The following TACR3 variants were observed in gnomAD, a reference collection of about 807,000 sequenced individuals.
TACR3 encodes the protein neuromedin-K receptor.
Under a neutral mutation model 35.0 loss-of-function variants are expected in TACR3, and 34 were observed. That is an observed-to-expected ratio of 0.97 (90% confidence interval 0.74 to 1.30). The LOEUF (loss-of-function observed/expected upper bound fraction) is 1.30. TACR3 is among the 50% of genes most tolerant of loss of function. TACR3 has a pLI of 0.00. For synonymous variants in TACR3, 233 were observed against 221.1 expected (o/e 1.05, Z -0.48); for missense variants, 558 against 591.7 (o/e 0.94, Z 0.59).
In TACR3 at chr4:103,605,349, G is replaced by C. The variant is rs1231601628; in HGVS notation, c.889-13666C>G. Among the ~76,000 whole-genome samples, 15 of 98,614 alleles carry C rather than the reference G, an allele frequency of 1.5e-4. 1 individual carries two copies. The highest frequency in any genetic ancestry group is 2.9e-4 in the Non-Finnish European group (13 of 44,264). 64.7% of individuals were successfully genotyped at this position (98,614 alleles called of 152,430 possible). A position where few individuals can be genotyped will look rare whatever the true frequency, so the allele number is the denominator to read the frequency against. On this transcript the variant is annotated intron_variant, in intron 3 of 4. Transcript: ENST00000304883. ...GTCCTTTGGGTATATACCCAGTAATGGGATGGCTGGGTCAAATGGTATTTC... is the reference window on the plus strand; with the variant it reads ...GTCCTTTGGGTATATACCCAGTAATCGGATGGCTGGGTCAAATGGTATTTC...
intron 1 of TACR3, among the ~76,000 whole-genome samples, chr4:103,685,691 G>A (rs1722212116): frequency 6.6e-6 from 1 of 151,962 alleles, no homozygotes; most frequent in African/African-American, 2.4e-5. Flanking sequence ...ATGGTGTGAG[G>A]AACTCCAAAT....
chr4:103,590,078 G>T, intron 4 of TACR3, 84 bp from the exon 5 acceptor site: 2 of 1,521,558 alleles, frequency 1.3e-6, no homozygotes, highest in South Asian at 1.2e-5. Context: ...TTCTACCTAA[G>T]GCAGTTATAA....
At chr4:103,638,287 A>C (rs200778590) in intron 3 of TACR3, among the ~76,000 whole-genome samples, 105,171 of 148,080 alleles carry the variant, frequency 0.71, 38,220 homozygotes, top group African/African-American at 0.89. Context: ...ATAATGCCAC[A>C]TATCTACAAC....
chr4:103,702,913 AG>A (rs1306324062), intron 1 of TACR3, among the ~76,000 whole-genome samples: 2 of 80,612 alleles, frequency 2.5e-5, no homozygotes, highest in Non-Finnish European at 4.5e-5. Flanking sequence ...GGGTGGGGGG[AG>A]GGGGGAGGGA....
At chr4:103,697,687 G>A (rs1339024707) in intron 1 of TACR3, among the ~76,000 whole-genome samples, 1 of 152,088 alleles carries the variant, frequency 6.6e-6, no homozygotes. Context: ...GCCTCCCAAA[G>A]TGCTGAGATT....
intron 1 of TACR3, among the ~76,000 whole-genome samples, chr4:103,668,146 T>C (rs1178803039): frequency 6.6e-6 from 1 of 152,132 alleles, no homozygotes; most frequent in Non-Finnish European, 1.5e-5. Flanking sequence ...AAACAATTCC[T>C]TTACTGACAT....
At position 103,616,957 on chromosome 4, in the gene TACR3, T is replaced by C. The variant is rs191954205; in HGVS notation, c.889-25274A>G. On this transcript the variant is annotated intron_variant, in intron 3 of 4. Transcript: ENST00000304883. ...AGCAAGACCTTATTTCAAAATAATATTAAATTTAAAAGAATTAAAAAACCC... is the reference window on the plus strand; with the variant it reads ...AGCAAGACCTTATTTCAAAATAATACTAAATTTAAAAGAATTAAAAAACCC... 3.5e-4 allele frequency among the ~76,000 whole-genome samples: 53 copies of C among 152,146 alleles called. 1 individual carries two copies.
chr4:103,586,429 CCTG>C lies in TACR3; in HGVS notation c.*3250_*3252del, dbSNP rs1449743910. ...AAGTGTGAGAAATGTTTGTAAGTCT[CCTG>C]CTTTTCTATTTGATGAAATAGTTTA... On this transcript the variant is annotated 3_prime_UTR_variant, in exon 5 of 5. Transcript: ENST00000304883. 3.3e-5 allele frequency: 5 copies of C among 151,992 alleles called. No individual in the cohort carries two copies. Among genetic ancestry groups the C allele is most frequent in the African/African-American group, 1.2e-4 (5 of 41,382 alleles). 9.4% of individuals were successfully genotyped at this position (151,992 alleles called of 1,614,324 possible). A position where few individuals can be genotyped will look rare whatever the true frequency, so the allele number is the denominator to read the frequency against.
intron 1 of TACR3, among the ~76,000 whole-genome samples, chr4:103,697,971 T>G (rs1278839971): frequency 1.3e-5 from 2 of 152,212 alleles, no homozygotes; most frequent in Non-Finnish European, 2.9e-5. Flanking sequence ...GCCAGTAACT[T>G]CTTATGTAGG....
chr4:103,713,039 A>G (rs141587330), intron 1 of TACR3, among the ~76,000 whole-genome samples: 6,895 of 152,252 alleles, frequency 0.045, 513 homozygotes, highest in African/African-American at 0.16. Flanking sequence ...ACTGTAAACT[A>G]GTTCAACCAT....
chr4:103,651,343 G>A (rs1413001507), intron 3 of TACR3, among the ~76,000 whole-genome samples: 1 of 151,572 alleles, frequency 6.6e-6, no homozygotes, highest in Non-Finnish European at 1.5e-5. Flanking sequence ...CATTTCAAAG[G>A]CAGAGGACAC....
At chr4:103,629,238 G>C (rs1025842219) in intron 3 of TACR3, among the ~76,000 whole-genome samples, 1 of 152,120 alleles carries the variant, frequency 6.6e-6, no homozygotes, top group East Asian at 1.9e-4. Flanking sequence ...ACAAGACAAG[G>C]ATGCCCTCTC....
intron 3 of TACR3, among the ~76,000 whole-genome samples, chr4:103,611,663 A>T (rs993594672): frequency 1.6e-4 from 23 of 144,188 alleles, no homozygotes; most frequent in Non-Finnish European, 2.9e-4. Flanking sequence ...CCTTTTTTTT[A>T]ACACAGACAT....
chr4:103,618,564 CTTTTTTTTTTTTT>C (rs57837921), intron 3 of TACR3, among the ~76,000 whole-genome samples: 33 of 61,456 alleles, frequency 5.4e-4, no homozygotes, highest in Admixed American at 1.4e-3. Context: ...GTGACTTGGG[CTTTTTTTTTTTTT>C]TTTTTTTTTT....
chr4:103,638,465 T>A (rs1302015814), intron 3 of TACR3, among the ~76,000 whole-genome samples: 1 of 151,936 alleles, frequency 6.6e-6, no homozygotes, highest in Non-Finnish European at 1.5e-5. Flanking sequence ...ACTTACATGT[T>A]CGACCTAAAA....
intron 3 of TACR3, among the ~76,000 whole-genome samples, chr4:103,623,906 A>G (rs1165522543): frequency 6.6e-6 from 1 of 152,182 alleles, no homozygotes; most frequent in Non-Finnish European, 1.5e-5. Flanking sequence ...AATGTAAATA[A>G]AACAGTGACT....
intron 3 of TACR3, among the ~76,000 whole-genome samples, chr4:103,606,630 G>C (rs557612492): frequency 6.6e-6 from 1 of 151,476 alleles, no homozygotes; most frequent in African/African-American, 2.4e-5. Flanking sequence ...TCTGTCTGTT[G>C]TTGGTGTATA....
chr4:103,686,950 G>T (rs1212627557), intron 1 of TACR3, among the ~76,000 whole-genome samples: 2 of 152,246 alleles, frequency 1.3e-5, no homozygotes, highest in Admixed American at 6.5e-5. Flanking sequence ...CCAAAAAAGA[G>T]AATTTTAGAC....
At chr4:103,602,227 T>G (rs1238599876) in intron 3 of TACR3, among the ~76,000 whole-genome samples, 1 of 152,230 alleles carries the variant, frequency 6.6e-6, no homozygotes, top group Admixed American at 6.5e-5. Flanking sequence ...GCCTTGGTTT[T>G]CAGCTCCATC....
Sources: gnomAD v4.1 joint callset for allele counts (sites outside exome capture counted in the v4.1 genomes callset) on GRCh38, gnomAD v4.1.1 for gene constraint, MANE v1.5 for transcripts, NCBI Gene and HGNC (gene_info 2026-07-23, HGNC 2026-07-21) for gene names.